Variants in DHRS4L2 observed in about 807,000 individuals in gnomAD.
DHRS4L2 encodes the protein dehydrogenase/reductase SDR family member 4-like 2.
DHRS4L2 carries 22 observed loss-of-function variants against 23.9 expected under a neutral mutation model. The ratio of observed to expected loss-of-function variants is 0.92; its 90% CI spans 0.66 to 1.31. DHRS4L2 has a LOEUF of 1.31. DHRS4L2 is among the 40% of genes most tolerant of loss of function. DHRS4L2 has a pLI of 0.00. For missense variants in DHRS4L2, 385 were observed against 303.3 expected (o/e 1.27, Z -2.00); for synonymous variants, 141 against 123.7 (o/e 1.14, Z -0.93).
Position 23,990,101 on chromosome 14 carries a change from G to A in DHRS4L2, c.129-81G>A, listed in dbSNP as rs940037513. 8 of 1,571,672 alleles carry A rather than the reference G, an allele frequency of 5.1e-6. 1 individual carries two copies. In the Admixed American group the frequency reaches 5.9e-5, roughly 12 times the overall value. Reference sequence around the variant, plus strand: ...AGAAAGAGCCAGAATTCAAACCCGGGCAGTCTTAACTTCAGAGCCCATGCT... The same window carrying A: ...AGAAAGAGCCAGAATTCAAACCCGGACAGTCTTAACTTCAGAGCCCATGCT... On this transcript the variant is annotated intron_variant, in intron 1 of 7. Coordinates refer to ENST00000335125, the MANE Select transcript of DHRS4L2 (RefSeq NM_198083.4).
At chr14:23,994,560 C>T (rs2034338420) in intron 2 of DHRS4L2, among the ~76,000 whole-genome samples, 1 of 151,364 alleles carries the variant, frequency 6.6e-6, no homozygotes, top group African/African-American at 2.4e-5. Context: ...TGGTGGCACG[C>T]ACTTCTACTC....
chr14:23,979,034 G>T (rs1049174631), intron 1 of DHRS4L2, among the ~76,000 whole-genome samples: 1 of 140,412 alleles, frequency 7.1e-6, no homozygotes, highest in Non-Finnish European at 1.5e-5. Flanking sequence ...CCATCATTGT[G>T]CTGTATTCAA....
At chr14:23,974,258 G>T (rs76532221) in intron 1 of DHRS4L2, among the ~76,000 whole-genome samples, 28 of 148,578 alleles carry the variant, frequency 1.9e-4, no homozygotes, top group East Asian at 3.9e-4. Flanking sequence ...AGTGTGTAGA[G>T]GGATATTTAC....
intron 6 of DHRS4L2, 146 bp from the exon 7 acceptor site, chr14:24,004,191 C>T: frequency 1.1e-5 from 10 of 945,216 alleles, no homozygotes; most frequent in Non-Finnish European, 1.4e-5. Context: ...AATGGCATAA[C>T]CCGGGAGGCG....
rs1383631180 is a variant in DHRS4L2 at position 24,004,016 on chromosome 14, A to C, written c.666-321A>C. On this transcript the variant is annotated intron_variant, in intron 6 of 7. Coordinates refer to ENST00000335125, the MANE Select transcript of DHRS4L2 (RefSeq NM_198083.4). ...CTGGGTGGGGTGGCTCATGCCTGTA[A>C]TCCCAGCACATTGGGAGGCCGAGGC... 1.7e-5 allele frequency among the ~76,000 whole-genome samples: 2 copies of C among 118,648 alleles called. 1 individual carries two copies. The highest frequency in any genetic ancestry group is 3.2e-5 in the Non-Finnish European group (2 of 62,292). 77.8% of individuals were successfully genotyped at this position (118,648 alleles called of 152,430 possible). A position where few individuals can be genotyped will look rare whatever the true frequency, so the allele number is the denominator to read the frequency against.
intron 1 of DHRS4L2, among the ~76,000 whole-genome samples, chr14:23,970,969 A>G (rs1465974008): frequency 6.6e-6 from 1 of 152,084 alleles, no homozygotes; most frequent in East Asian, 1.9e-4. Flanking sequence ...AGCAAAGGAC[A>G]TCCACACTAA....
In DHRS4L2 at chr14:23,981,359, G is replaced by A. The variant is rs141872095; in HGVS notation, c.-175-8823G>A. Among the ~76,000 whole-genome samples, 66 of 151,678 alleles carry A rather than the reference G, an allele frequency of 4.4e-4. 3 individuals are homozygous for A. In the East Asian group the frequency reaches 7.7e-3, roughly 18 times the overall value. On this transcript the variant is annotated intron_variant, in intron 1 of 5. Transcript: ENST00000534993. ...CTCATGGATAGGAAGAATCAATATC[G>A]TGAAAATGGCCATACTGCCCAAGGT... is the stretch of plus-strand genomic sequence containing the variant.
In DHRS4L2 at chr14:24,003,943, A is replaced by T. The variant is rs1265791927; in HGVS notation, c.666-394A>T. On this transcript the variant is annotated intron_variant, in intron 6 of 7. Coordinates refer to ENST00000335125, the MANE Select transcript of DHRS4L2 (RefSeq NM_198083.4). ...GTCGTCTGCAAACAGGGACAATTTGACTTCCTCTTTTCCTAATTGATTCCT... is the reference window on the plus strand; with the variant it reads ...GTCGTCTGCAAACAGGGACAATTTGTCTTCCTCTTTTCCTAATTGATTCCT... Among the ~76,000 whole-genome samples the T allele has an allele frequency of 1.1e-4, 9 of 83,218 alleles. 4 individuals are homozygous for T. The highest frequency in any genetic ancestry group is 9.6e-5 in the Non-Finnish European group (5 of 52,004). 54.6% of individuals were successfully genotyped at this position (83,218 alleles called of 152,430 possible). A position where few individuals can be genotyped will look rare whatever the true frequency, so the allele number is the denominator to read the frequency against.
chr14:23,986,613 G>A (rs1325424480), upstream of DHRS4L2, among the ~76,000 whole-genome samples: 2 of 151,530 alleles, frequency 1.3e-5, no homozygotes, highest in Non-Finnish European at 2.9e-5. Context: ...AAGCTCCCAA[G>A]CCACAATTCT....
chr14:23,982,165 C>T (rs1001929505), intron 1 of DHRS4L2, among the ~76,000 whole-genome samples: 1 of 151,674 alleles, frequency 6.6e-6, no homozygotes, highest in Admixed American at 6.6e-5. Flanking sequence ...CAGTAACCAG[C>T]GTTGCAGGGC....
intron 3 of DHRS4L2, 21 bp from the exon 4 acceptor site, chr14:24,000,842 C>A: frequency 6.2e-7 from 1 of 1,600,430 alleles, no homozygotes; most frequent in Non-Finnish European, 8.5e-7. Context: ...ATGCTGTTTC[C>A]CCTTCTTCTC....
chr14:23,990,338 C>A lies in DHRS4L2; in HGVS notation c.285C>A (p.Asp95Glu), dbSNP rs527674493. ...TGTGCCATGTGGGGAAGGCGGAGGA[C>A]CGGGAGCGGCTGGTGGCCATGGTGA... Reference protein sequence around the residue: ...GTVCHVGKAEDRERLVAMAVK... With the variant: ...GTVCHVGKAEERERLVAMAVK... The change falls in exon 2 of 8, where the codon GAC becomes GAA. Residue 95 changes from aspartate (D) to glutamate (E), a missense_variant. Asp to Glu is a conservative substitution (Grantham distance 45). Coordinates refer to ENST00000335125, the MANE Select transcript of DHRS4L2 (RefSeq NM_198083.4). The A allele has an allele frequency of 6.2e-7, 1 of 1,611,362 alleles. No individual in the cohort carries two copies. The highest frequency in any genetic ancestry group is 8.5e-7 in the Non-Finnish European group (1 of 1,178,730).
chr14:23,982,726 G>T (rs2034075845), intron 1 of DHRS4L2, among the ~76,000 whole-genome samples: 1 of 151,014 alleles, frequency 6.6e-6, no homozygotes, highest in African/African-American at 2.5e-5. Context: ...TTTTATAAAT[G>T]ATGTTGGGAA....
chr14:23,996,650 C>CTTCTTTCT (rs2034388232), intron 3 of DHRS4L2, among the ~76,000 whole-genome samples: 1 of 131,188 alleles, frequency 7.6e-6, no homozygotes, highest in Non-Finnish European at 1.6e-5. Flanking sequence ...GTCTTTTTTC[C>CTTCTTTCT]TTTTTTTTTT....
At chr14:23,990,424 C>A in intron 2 of DHRS4L2, 65 bp downstream of exon 2, 1 of 1,528,120 alleles carries the variant, frequency 6.5e-7, no homozygotes, top group Non-Finnish European at 8.8e-7. Flanking sequence ...GAGCCTCCTT[C>A]CCTGCTTTCC....
chr14:23,995,441 C>T (rs1365948426), intron 3 of DHRS4L2, among the ~76,000 whole-genome samples: 1 of 151,756 alleles, frequency 6.6e-6, no homozygotes, highest in East Asian at 1.9e-4. Flanking sequence ...ACGTAGGCAG[C>T]TAATATGCCA....
Position 23,990,187 on chromosome 14 carries a change from G to C in DHRS4L2, c.134G>C (p.Gly45Ala). 6.2e-7 allele frequency: 1 copy of C among 1,612,716 alleles called. No individual in the cohort carries two copies. The highest frequency in any genetic ancestry group is 8.5e-7 in the Non-Finnish European group (1 of 1,179,306). ...ALVTASTDGI[G>A]FAIARRLAQD... ...TTGTCTCTTTCTGCTCACAGGATCG[G>C]CTTCGCCATCGCCCGGCGTTTGGCC... The change falls in exon 2 of 8, where the codon GGC becomes GCC. Residue 45 changes from glycine to alanine, a missense_variant. By Grantham distance (60) the Gly-to-Ala change is moderately conservative. Transcript: ENST00000335125.
upstream of DHRS4L2, among the ~76,000 whole-genome samples, chr14:23,985,941 C>T (rs1378322369): frequency 6.6e-6 from 1 of 151,442 alleles, no homozygotes; most frequent in South Asian, 2.1e-4. Context: ...TGACCATGCC[C>T]AGCTAATTTT....
chr14:23,984,081 G>A (rs2034099073), upstream of DHRS4L2, among the ~76,000 whole-genome samples: 1 of 151,346 alleles, frequency 6.6e-6, no homozygotes, highest in African/African-American at 2.4e-5. Context: ...AAGAGTTGGA[G>A]CATAGAAGAA....
Sources: gnomAD v4.1 joint callset for allele counts (sites outside exome capture counted in the v4.1 genomes callset) on GRCh38, gnomAD v4.1.1 for gene constraint, MANE v1.5 for transcripts, NCBI Gene and HGNC (gene_info 2026-07-23, HGNC 2026-07-21) for gene names.